FOXP2: variants seen among roughly 807,000 people sequenced by gnomAD.
The protein encoded by FOXP2 is forkhead box protein P2.
In FOXP2, 12 loss-of-function variants were observed where a neutral mutation model predicts 115.8. The observed-to-expected ratio is 0.10, with a 90% CI of 0.07 to 0.17. FOXP2 has a LOEUF of 0.17. Among genes scored for constraint, FOXP2 ranks in the 10% least tolerant of loss-of-function variants. The pLI, the probability that FOXP2 is intolerant of heterozygous loss-of-function variation, is 1.00. For synonymous variants in FOXP2, 328 were observed against 297.7 expected (o/e 1.10, Z -1.05); for missense variants, 629 against 843.5 (o/e 0.75, Z 3.15).
chr7:114,260,707 A>G (rs921411507), intron 1 of FOXP2, among the ~76,000 whole-genome samples: 16 of 152,176 alleles, frequency 1.1e-4, no homozygotes, highest in Non-Finnish European at 5.9e-5. Context: ...AGACACAAAC[A>G]CACACACACC....
At chr7:114,402,349 A>G (rs1252396705) in intron 2 of FOXP2, among the ~76,000 whole-genome samples, 1 of 152,272 alleles carries the variant, frequency 6.6e-6, no homozygotes, top group East Asian at 1.9e-4. Context: ...ATCAAGAATG[A>G]TATTTTCACT....
chr7:114,117,970 T>C (rs1216680198), intron 1 of FOXP2, among the ~76,000 whole-genome samples: 1 of 152,082 alleles, frequency 6.6e-6, no homozygotes, highest in Non-Finnish European at 1.5e-5. Context: ...TGCTTCACTC[T>C]TATGATCGTA....
chr7:114,368,636 G>T (rs1791935948), intron 2 of FOXP2, among the ~76,000 whole-genome samples: 1 of 152,096 alleles, frequency 6.6e-6, no homozygotes, highest in African/African-American at 2.4e-5. Context: ...GAGCAGATTG[G>T]CAAGAAGGTC....
intron 2 of FOXP2, among the ~76,000 whole-genome samples, chr7:114,486,288 A>G (rs1415391867): frequency 6.6e-6 from 1 of 151,820 alleles, no homozygotes. Context: ...GTGCAGGGGA[A>G]CTCCTATTTA....
chr7:114,565,153 G>T (rs1584901617), intron 3 of FOXP2, among the ~76,000 whole-genome samples: 1 of 148,178 alleles, frequency 6.7e-6, no homozygotes. Context: ...TGCCAAAGAG[G>T]TTCAGATACA....
chr7:114,215,327 G>C (rs2129162603), intron 1 of FOXP2, among the ~76,000 whole-genome samples: 1 of 152,122 alleles, frequency 6.6e-6, no homozygotes, highest in East Asian at 1.9e-4. Context: ...ATTGAAATTT[G>C]TTTGCAATCA....
chr7:114,453,719 T>C (rs117455464), intron 2 of FOXP2, among the ~76,000 whole-genome samples: 41 of 152,244 alleles, frequency 2.7e-4, no homozygotes, highest in Middle Eastern at 6.8e-3. Flanking sequence ...TGTGGGAATC[T>C]GTTTCTATAT....
intron 3 of FOXP2, among the ~76,000 whole-genome samples, chr7:114,620,880 A>G (rs1056918148): frequency 6.6e-6 from 1 of 152,018 alleles, no homozygotes; most frequent in Non-Finnish European, 1.5e-5. Flanking sequence ...ATATGTATTA[A>G]AAGTTATGGG....
intron 2 of FOXP2, among the ~76,000 whole-genome samples, chr7:114,339,456 A>C (rs959705308): frequency 2.6e-5 from 4 of 151,292 alleles, no homozygotes; most frequent in Admixed American, 1.3e-4. Flanking sequence ...ATGATAACAT[A>C]AGGAAGTAAA....
chr7:114,124,809 C>G (rs139043208), intron 1 of FOXP2, among the ~76,000 whole-genome samples: 2 of 152,064 alleles, frequency 1.3e-5, no homozygotes, highest in Admixed American at 1.3e-4. Context: ...TATCCCTCCT[C>G]CTTTATCTAC....
intron 16 of FOXP2, among the ~76,000 whole-genome samples, chr7:114,676,056 T>C (rs1206779038): frequency 6.7e-6 from 1 of 149,830 alleles, no homozygotes; most frequent in Non-Finnish European, 1.5e-5. Context: ...ACTACAGATA[T>C]ACACCACCAG....
intron 2 of FOXP2, among the ~76,000 whole-genome samples, chr7:114,481,536 A>G (rs1327191944): frequency 1.3e-5 from 2 of 151,290 alleles, no homozygotes; most frequent in Non-Finnish European, 3.0e-5. Context: ...AAGACTCTCC[A>G]CTCAGAACAA....
chr7:114,543,309 T>G (rs1227428462), intron 3 of FOXP2, among the ~76,000 whole-genome samples: 1 of 152,130 alleles, frequency 6.6e-6, no homozygotes, highest in African/African-American at 2.4e-5. Context: ...CTAATTATAG[T>G]AGAATTATAG....
chr7:114,516,036 C>T (rs937324679), intron 2 of FOXP2, among the ~76,000 whole-genome samples: 19 of 152,164 alleles, frequency 1.2e-4, no homozygotes, highest in African/African-American at 4.6e-4. Flanking sequence ...CAATGACTTT[C>T]TTCACAGAAT....
intron 10 of FOXP2, among the ~76,000 whole-genome samples, chr7:114,654,765 A>G (rs1401005594): frequency 1.3e-5 from 2 of 152,124 alleles, no homozygotes; most frequent in Non-Finnish European, 2.9e-5. Flanking sequence ...TTTGTGGGAT[A>G]CTTTTTAATA....
intron 3 of FOXP2, among the ~76,000 whole-genome samples, chr7:114,591,880 A>G (rs564492049): frequency 6.6e-6 from 1 of 152,120 alleles, no homozygotes; most frequent in South Asian, 2.1e-4. Flanking sequence ...GGTGTCCAAC[A>G]GAGGAACCAC....
At chr7:114,390,578 G>A (rs1792570446) in intron 2 of FOXP2, among the ~76,000 whole-genome samples, 1 of 148,202 alleles carries the variant, frequency 6.7e-6, no homozygotes, top group Non-Finnish European at 1.5e-5. Context: ...ATTTGAGACA[G>A]GGTCTTACTC....
At chr7:114,409,188 G>A (rs983060123) in intron 2 of FOXP2, among the ~76,000 whole-genome samples, 4 of 152,118 alleles carry the variant, frequency 2.6e-5, no homozygotes, top group East Asian at 3.9e-4. Context: ...GGATCTAATA[G>A]CAATTAAATG....
At chr7:114,498,472 C>T (rs1180275558) in intron 2 of FOXP2, among the ~76,000 whole-genome samples, 1 of 152,002 alleles carries the variant, frequency 6.6e-6, no homozygotes, top group Non-Finnish European at 1.5e-5. Context: ...ACAATACAGC[C>T]TGGTTAAGTG....
Sources: allele counts gnomAD v4.1 joint callset (sites outside exome capture counted in the v4.1 genomes callset), GRCh38; gene constraint gnomAD v4.1.1; transcripts MANE v1.5; gene names NCBI Gene and HGNC (gene_info 2026-07-23, HGNC 2026-07-21).